PTPRN2: variants seen among roughly 807,000 people sequenced by gnomAD.
PTPRN2 encodes protein tyrosine phosphatase receptor type N2, also known as receptor-type tyrosine-protein phosphatase N2.
Under a neutral mutation model 118.8 loss-of-function variants are expected in PTPRN2, and 74 were observed. That is an observed-to-expected ratio of 0.62 (90% confidence interval 0.52 to 0.76). The LOEUF is 0.76. Ranked by LOEUF, PTPRN2 falls within the 30% of genes least tolerant of loss-of-function variation. The pLI is 0.00. For missense variants in PTPRN2, 1,481 were observed against 1,394.4 expected (o/e 1.06, Z -0.99); for synonymous variants, 641 against 608.0 (o/e 1.05, Z -0.80).
intron 9 of PTPRN2, among the ~76,000 whole-genome samples, chr7:158,129,592 C>T (rs1357087476): frequency 1.3e-5 from 2 of 151,978 alleles, no homozygotes; most frequent in Non-Finnish European, 2.9e-5. Flanking sequence ...CACATCACTA[C>T]ATTACCACAC....
intron 5 of PTPRN2, among the ~76,000 whole-genome samples, chr7:158,183,984 T>C (rs758010405): frequency 6.6e-6 from 1 of 152,230 alleles, no homozygotes; most frequent in Non-Finnish European, 1.5e-5. Flanking sequence ...ATGTGCTGCT[T>C]TTTTAGTTTT....
chr7:157,644,483 C>G (rs999036425), intron 14 of PTPRN2, among the ~76,000 whole-genome samples: 10 of 152,162 alleles, frequency 6.6e-5, no homozygotes, highest in African/African-American at 2.2e-4. Context: ...CCCAGGAGCC[C>G]CATTCTTGCT....
chr7:158,260,252 C>A (rs1797309699), intron 3 of PTPRN2, among the ~76,000 whole-genome samples: 1 of 152,178 alleles, frequency 6.6e-6, no homozygotes, highest in African/African-American at 2.4e-5. Flanking sequence ...ACTCTCAGGC[C>A]AGGATGCCGC....
chr7:158,041,774 G>A (rs1264883499), intron 11 of PTPRN2, among the ~76,000 whole-genome samples: 1 of 152,194 alleles, frequency 6.6e-6, no homozygotes, highest in African/African-American at 2.4e-5. Context: ...GTCCAAAAAA[G>A]CGAAACGAGT....
At chr7:157,600,095 CCCTCTCCACCTGCCCA>C (rs1801583645) in intron 16 of PTPRN2, among the ~76,000 whole-genome samples, 18 of 92,742 alleles carry the variant, frequency 1.9e-4, no homozygotes, top group Non-Finnish European at 3.2e-4. Flanking sequence ...CTCCACCTGC[CCCTCTCCACCTGCCCA>C]CCTCTCCACC....
chr7:157,568,709 C>T (rs370194268), intron 21 of PTPRN2, among the ~76,000 whole-genome samples, 193 bp downstream of exon 21: 2 of 151,900 alleles, frequency 1.3e-5, no homozygotes, highest in South Asian at 4.1e-4. Flanking sequence ...AGGCTCGGCA[C>T]GCAGAGGCAG....
intron 12 of PTPRN2, among the ~76,000 whole-genome samples, chr7:157,878,198 T>A (rs1795896417): frequency 6.6e-6 from 1 of 152,272 alleles, no homozygotes; most frequent in African/African-American, 2.4e-5. Flanking sequence ...GGAGACCTCA[T>A]GCACCAGGGA....
chr7:158,474,125 G>C (rs1253180319), intron 2 of PTPRN2, among the ~76,000 whole-genome samples: 1 of 152,150 alleles, frequency 6.6e-6, no homozygotes, highest in South Asian at 2.1e-4. Flanking sequence ...CCCAGCCCCC[G>C]TGCGGCCCCA....
At chr7:157,568,500 C>T (rs1351409376) in intron 21 of PTPRN2, among the ~76,000 whole-genome samples, 1 of 152,084 alleles carries the variant, frequency 6.6e-6, no homozygotes, top group Non-Finnish European at 1.5e-5. Context: ...GGAGTTACAC[C>T]AAATACTGGA....
chr7:158,323,849 A>G (rs776631920), intron 2 of PTPRN2, among the ~76,000 whole-genome samples: 4 of 152,138 alleles, frequency 2.6e-5, no homozygotes, highest in Non-Finnish European at 5.9e-5. Flanking sequence ...TACACGGTGC[A>G]TGTATGCACA....
intron 9 of PTPRN2, 65 bp from the exon 10 acceptor site, chr7:158,110,980 C>CAG: frequency 7.2e-7 from 1 of 1,388,178 alleles, no homozygotes; most frequent in African/African-American, 1.4e-5. Flanking sequence ...GAACTAAAGC[C>CAG]CTGTGGCCCC....
chr7:158,336,683 T>C (rs1189901989), intron 2 of PTPRN2, among the ~76,000 whole-genome samples: 9 of 120,924 alleles, frequency 7.4e-5, no homozygotes, highest in East Asian at 2.5e-4. Context: ...CCATAAGAGC[T>C]GACGCCCGCA....
chr7:158,395,282 AGTGAGGG>A (rs71960689), intron 2 of PTPRN2, among the ~76,000 whole-genome samples: 87,006 of 103,062 alleles, frequency 0.84, 36,590 homozygotes, highest in Non-Finnish European at 0.9. Context: ...TCCCTGCACA[AGTGAGGG>A]GTGAGGGGTG....
chr7:157,939,344 C>T (rs1281893358), intron 11 of PTPRN2, among the ~76,000 whole-genome samples: 1 of 152,262 alleles, frequency 6.6e-6, no homozygotes, highest in East Asian at 1.9e-4. Flanking sequence ...GGGCTGGTGG[C>T]TGTCCTGCAG....
chr7:158,399,095 T>C (rs958144176), intron 2 of PTPRN2, among the ~76,000 whole-genome samples: 1 of 152,246 alleles, frequency 6.6e-6, no homozygotes, highest in Non-Finnish European at 1.5e-5. Context: ...ATGTATTTGC[T>C]TAGTGTCCAT....
rs1314324187 is a variant in PTPRN2 at position 157,787,316 on chromosome 7, G to A, written c.1789-104379C>T. On this transcript the variant is annotated intron_variant, in intron 12 of 22. Coordinates refer to ENST00000389418, the MANE Select transcript of PTPRN2 (RefSeq NM_002847.5). This position sits in a 1 kb window ranked among gnomAD's most constrained non-coding sequence, Gnocchi z 5.3. ...ATCAGGTGAGCAAGGGGGCTCATCC[G>A]TGGCCTCCAGGCCCCACCTTGATGG... 2.0e-5 allele frequency among the ~76,000 whole-genome samples: 3 copies of A among 152,142 alleles called. No homozygotes were observed. Among genetic ancestry groups the A allele is most frequent in the Non-Finnish European group, 2.9e-5 (2 of 68,002 alleles).
At chr7:157,703,435 C>T (rs962966831) in intron 12 of PTPRN2, among the ~76,000 whole-genome samples, 2 of 152,174 alleles carry the variant, frequency 1.3e-5, no homozygotes, top group Non-Finnish European at 2.9e-5. Context: ...CCTATAGGGA[C>T]GCAGCTGGAA....
At position 158,004,081 on chromosome 7, in the gene PTPRN2, G is replaced by C. The variant is rs184480018; in HGVS notation, c.1723+77217C>G. Among the ~76,000 whole-genome samples, 5 of 152,266 alleles carry C rather than the reference G, an allele frequency of 3.3e-5. 1 individual carries two copies. The East Asian group carries it at 9.7e-4, about 29-fold the overall frequency. ...TTCGGCTCCTCGTTTGGAAAACTTGGTGACTCTCTAAGGTGATAGGAAAAG... is the reference window on the plus strand; with the variant it reads ...TTCGGCTCCTCGTTTGGAAAACTTGCTGACTCTCTAAGGTGATAGGAAAAG... On this transcript the variant is annotated intron_variant, in intron 11 of 22. Transcript: ENST00000389418.
rs995293990 is a variant in PTPRN2 at position 157,910,705 on chromosome 7, C to T, written c.1724-11968G>A. On this transcript the variant is annotated intron_variant, in intron 11 of 22. Coordinates refer to ENST00000389418, the MANE Select transcript of PTPRN2 (RefSeq NM_002847.5). ...CAGAAAGATGCCATGCGGCAGGGCA[C>T]GTGTGTGTGTGTGTGTGTGCGAGCG... Among the ~76,000 whole-genome samples, 128 of 151,282 alleles carry T rather than the reference C, an allele frequency of 8.5e-4. 1 individual carries two copies. Among genetic ancestry groups the T allele is most frequent in the African/African-American group, 3.0e-3 (123 of 41,450 alleles).
Sources: allele counts gnomAD v4.1 joint callset (sites outside exome capture counted in the v4.1 genomes callset), GRCh38; gene constraint gnomAD v4.1.1; non-coding constraint Gnocchi (gnomAD v3.1); transcripts MANE v1.5; gene names NCBI Gene and HGNC (gene_info 2026-07-23, HGNC 2026-07-21).